Variants in CACNA2D1 observed in about 807,000 individuals in gnomAD.
CACNA2D1 encodes the protein calcium voltage-gated channel auxiliary subunit alpha2delta 1, also known as voltage-dependent calcium channel subunit alpha-2/delta-1.
A neutral mutation model predicts 171.5 loss-of-function variants in CACNA2D1; 53 were observed. That is an observed-to-expected ratio of 0.31 (90% CI 0.25 to 0.39). The LOEUF is 0.39. Ranked by LOEUF, CACNA2D1 falls within the 10% of genes least tolerant of loss-of-function variation. CACNA2D1 has a pLI of 1.00. For missense variants in CACNA2D1, 903 were observed against 1,299.8 expected (o/e 0.69, Z 4.69); for synonymous variants, 442 against 443.1 (o/e 1.00, Z 0.03).
At chr7:82,421,250 A>G (rs1010182613) in intron 1 of CACNA2D1, among the ~76,000 whole-genome samples, 2 of 152,208 alleles carry the variant, frequency 1.3e-5, no homozygotes, top group South Asian at 2.1e-4. Flanking sequence ...ATGCCAAGAC[A>G]TTGGTAAGCA....
chr7:81,987,951 A>G (rs894892582), intron 21 of CACNA2D1, among the ~76,000 whole-genome samples: 3 of 152,244 alleles, frequency 2.0e-5, no homozygotes, highest in African/African-American at 7.2e-5. Flanking sequence ...AAAGAGTGAC[A>G]TGAACTCGAG....
intron 1 of CACNA2D1, among the ~76,000 whole-genome samples, chr7:82,381,145 T>A (rs1413358106): frequency 6.6e-6 from 1 of 151,832 alleles, no homozygotes; most frequent in Non-Finnish European, 1.5e-5. Context: ...ACCCCATCTC[T>A]ACTAAAAATG....
At chr7:81,989,644 T>C (rs1236778922) in intron 21 of CACNA2D1, among the ~76,000 whole-genome samples, 1 of 152,178 alleles carries the variant, frequency 6.6e-6, no homozygotes, top group African/African-American at 2.4e-5. Context: ...GTCATGAATT[T>C]TAGGTGATAT....
At chr7:82,293,218 G>A (rs1811870676) in intron 3 of CACNA2D1, among the ~76,000 whole-genome samples, 1 of 151,868 alleles carries the variant, frequency 6.6e-6, no homozygotes, top group Non-Finnish European at 1.5e-5. Context: ...ATCTAAGGAT[G>A]TATAATATCA....
intron 3 of CACNA2D1, among the ~76,000 whole-genome samples, chr7:82,308,478 C>T (rs569835888): frequency 8.5e-5 from 13 of 152,236 alleles, no homozygotes; most frequent in African/African-American, 3.1e-4. Context: ...ATGGGCTCCA[C>T]CCTGAATTCG....
At chr7:82,005,161 A>G (rs981826875) in intron 18 of CACNA2D1, among the ~76,000 whole-genome samples, 15 of 152,124 alleles carry the variant, frequency 9.9e-5, no homozygotes, top group East Asian at 1.9e-4. Flanking sequence ...AGTGGGATGC[A>G]TGAAATTGAG....
intron 3 of CACNA2D1, among the ~76,000 whole-genome samples, chr7:82,172,947 T>A (rs570808679): frequency 4.6e-5 from 7 of 152,112 alleles, no homozygotes; most frequent in African/African-American, 1.7e-4. Context: ...AGAAGAATAT[T>A]AAGTTTTTTC....
chr7:82,088,652 A>T (rs150823405), intron 6 of CACNA2D1, among the ~76,000 whole-genome samples: 1 of 152,186 alleles, frequency 6.6e-6, no homozygotes, highest in East Asian at 1.9e-4. Context: ...TCTTTACGAA[A>T]AAACTTAAAA....
rs1829683705 is a variant in CACNA2D1 at position 82,431,636 on chromosome 7, C to A, written c.95+11729G>T. Among the ~76,000 whole-genome samples, 4 of 152,174 alleles carry A rather than the reference C, an allele frequency of 2.6e-5. 1 individual carries two copies. Among genetic ancestry groups the A allele is most frequent in the African/African-American group, 4.8e-5 (2 of 41,520 alleles). On this transcript the variant is annotated intron_variant, in intron 1 of 38. Coordinates refer to ENST00000356860, the MANE Select transcript of CACNA2D1 (RefSeq NM_000722.4). ...AGCTGCTTGAGATCAAATCTGAACT[C>A]CTAAGGAAATTCAAAAAAGTTCTTC...
intron 5 of CACNA2D1, among the ~76,000 whole-genome samples, chr7:82,133,464 T>C (rs893797624): frequency 6.6e-6 from 1 of 152,192 alleles, no homozygotes; most frequent in Non-Finnish European, 1.5e-5. Context: ...GGAAATAATG[T>C]CTCTGTACCT....
At chr7:82,205,544 T>C (rs907928994) in intron 3 of CACNA2D1, among the ~76,000 whole-genome samples, 2 of 138,816 alleles carry the variant, frequency 1.4e-5, no homozygotes, top group Admixed American at 7.2e-5. Flanking sequence ...ATAAAGAAAT[T>C]ACCTTTTTAA....
intron 3 of CACNA2D1, among the ~76,000 whole-genome samples, chr7:82,188,475 T>C (rs2129182087): frequency 6.6e-6 from 1 of 152,194 alleles, no homozygotes; most frequent in African/African-American, 2.4e-5. Flanking sequence ...GGTAATATAA[T>C]ATTAAAAAGT....
intron 5 of CACNA2D1, among the ~76,000 whole-genome samples, chr7:82,132,221 AT>A (rs1791076316): frequency 2.0e-5 from 3 of 152,206 alleles, no homozygotes; most frequent in African/African-American, 7.2e-5. Flanking sequence ...AAAGGGTTTG[AT>A]TATATTTAAA....
At chr7:82,021,681 G>A (rs374884708) in intron 12 of CACNA2D1, among the ~76,000 whole-genome samples, 7 of 151,908 alleles carry the variant, frequency 4.6e-5, no homozygotes, top group Admixed American at 2.0e-4. Flanking sequence ...AGAGAGGAAG[G>A]CTCCAGATAA....
At chr7:82,000,522 T>C (rs1798477903) in intron 18 of CACNA2D1, among the ~76,000 whole-genome samples, 1 of 152,140 alleles carries the variant, frequency 6.6e-6, no homozygotes, top group Non-Finnish European at 1.5e-5. Context: ...AAACTAGCAC[T>C]CAATTCTACT....
chr7:81,966,266 A>C (rs1424974851), intron 31 of CACNA2D1, among the ~76,000 whole-genome samples: 3 of 151,684 alleles, frequency 2.0e-5, no homozygotes, highest in African/African-American at 7.2e-5. Flanking sequence ...GTTTTAATGT[A>C]TGAAAATCAA....
chr7:82,075,616 A>G (rs942411233), intron 7 of CACNA2D1, among the ~76,000 whole-genome samples: 1 of 152,258 alleles, frequency 6.6e-6, no homozygotes, highest in South Asian at 2.1e-4. Flanking sequence ...TGCTAAAAAC[A>G]TAAAACAAAC....
At chr7:82,286,878 C>T (rs1810850910) in intron 3 of CACNA2D1, among the ~76,000 whole-genome samples, 1 of 152,066 alleles carries the variant, frequency 6.6e-6, no homozygotes, top group African/African-American at 2.4e-5. Flanking sequence ...GAAATAGACT[C>T]CATGGGCTGC....
intron 3 of CACNA2D1, among the ~76,000 whole-genome samples, chr7:82,190,945 T>C (rs552983748): frequency 6.6e-6 from 1 of 151,842 alleles, no homozygotes; most frequent in African/African-American, 2.4e-5. Flanking sequence ...TTACAAAATA[T>C]GTTCCATTGT....
Sources: allele counts gnomAD v4.1 joint callset (sites outside exome capture counted in the v4.1 genomes callset), GRCh38; gene constraint gnomAD v4.1.1; transcripts MANE v1.5; gene names NCBI Gene and HGNC (gene_info 2026-07-23, HGNC 2026-07-21).